Variants in PRKAR1B observed in about 807,000 individuals in gnomAD.
PRKAR1B encodes cAMP-dependent protein kinase type I-beta regulatory subunit.
In PRKAR1B, 22 loss-of-function variants were observed where a neutral mutation model predicts 46.5. That is an observed-to-expected ratio of 0.47 (90% CI 0.34 to 0.68). The LOEUF (loss-of-function observed/expected upper bound fraction) is 0.68. PRKAR1B is among the 30% of genes least tolerant of loss of function. The probability of loss-of-function intolerance (pLI) is 0.01; values close to 1 mark genes in which losing one functional copy is unlikely to be tolerated. For missense variants in PRKAR1B, 445 were observed against 535.6 expected, an observed-to-expected ratio of 0.83 and a Z score of 1.67; for synonymous variants, 259 against 217.7, an observed-to-expected ratio of 1.19 and a Z score of -1.67.
At chr7:663,111 T>G (rs1345938690) in intron 4 of PRKAR1B, among the ~76,000 whole-genome samples, 1 of 152,198 alleles carries the variant, frequency 6.6e-6, no homozygotes, top group Non-Finnish European at 1.5e-5. Flanking sequence ...CTAGGTCTGA[T>G]GAACAAGGGC....
chr7:692,466 G>A (rs1779488298), intron 2 of PRKAR1B, among the ~76,000 whole-genome samples: 1 of 151,818 alleles, frequency 6.6e-6, no homozygotes, highest in Non-Finnish European at 1.5e-5. Flanking sequence ...AAGAGGAGAA[G>A]AGAAGAGAAG....
chr7:551,305 C>T (rs1784176585), intron 10 of PRKAR1B, 84 bp downstream of exon 10: 1 of 1,329,752 alleles, frequency 7.5e-7, no homozygotes, highest in Non-Finnish European at 1.0e-6. Flanking sequence ...AGCCCCCCAG[C>T]AGCTCCTCAC....
At chr7:582,978 C>G (rs993008974) in intron 8 of PRKAR1B, among the ~76,000 whole-genome samples, 2 of 152,228 alleles carry the variant, frequency 1.3e-5, no homozygotes, top group African/African-American at 2.4e-5. Context: ...CAAAGCCACA[C>G]AGGTGATTCC....
intron 2 of PRKAR1B, among the ~76,000 whole-genome samples, chr7:694,639 C>T (rs2128518473): frequency 6.6e-6 from 1 of 152,264 alleles, no homozygotes; most frequent in South Asian, 2.1e-4. Flanking sequence ...GTGCATTCTG[C>T]TCAGACCTCT....
chr7:674,257 C>T (rs1786455924), intron 4 of PRKAR1B, among the ~76,000 whole-genome samples: 1 of 151,938 alleles, frequency 6.6e-6, no homozygotes, highest in Non-Finnish European at 1.5e-5. Context: ...TCCTGAATTC[C>T]AGCCACACCC....
intron 9 of PRKAR1B, among the ~76,000 whole-genome samples, chr7:569,306 C>T (rs536831210): frequency 2.0e-4 from 30 of 152,308 alleles, no homozygotes; most frequent in Non-Finnish European, 3.8e-4. Flanking sequence ...AACAGCCTGC[C>T]GGCCGCCCCA....
intron 4 of PRKAR1B, among the ~76,000 whole-genome samples, chr7:674,019 G>C (rs1220915295): frequency 6.6e-6 from 1 of 152,164 alleles, no homozygotes; most frequent in Non-Finnish European, 1.5e-5. Flanking sequence ...CCCTTAGAAG[G>C]CACAAGTGAT....
intron 2 of PRKAR1B, among the ~76,000 whole-genome samples, chr7:694,826 A>G (rs1482409368): frequency 1.3e-5 from 2 of 152,166 alleles, no homozygotes; most frequent in African/African-American, 4.8e-5. Flanking sequence ...ACCTGAGGTC[A>G]GAAGTTCGAG....
intron 1 of PRKAR1B, among the ~76,000 whole-genome samples, chr7:711,828 C>T (rs991305740): frequency 6.6e-5 from 10 of 151,510 alleles, no homozygotes; most frequent in Admixed American, 5.9e-4. Context: ...CTGAGGATTC[C>T]GGGTGGGAAG....
intron 4 of PRKAR1B, among the ~76,000 whole-genome samples, chr7:673,123 G>A (rs1294273498): frequency 6.9e-6 from 1 of 145,812 alleles, no homozygotes; most frequent in East Asian, 2.1e-4. Flanking sequence ...GCCAGCAGCT[G>A]TGGACCAGGG....
Position 607,423 on chromosome 7 carries a change from G to A in PRKAR1B, c.470C>T (p.Thr157Ile). Residue 157 changes from threonine to isoleucine, a missense_variant, in exon 5 of 11, where the codon ACT (threonine) becomes ATT (isoleucine). Physicochemically the swap from Thr to Ile is moderately conservative, Grantham distance 89. Coordinates refer to ENST00000537384, the MANE Select transcript of PRKAR1B (RefSeq NM_001164760.2). ...TATAACAGTCTCCCCAGCGATGTGA[G>A]TGACAGGGAACATGGCATCGAATAT... ...SDIFDAMFPV[T>I]HIAGETVIQQ... The A allele has an allele frequency of 6.2e-7, 1 of 1,614,050 alleles. No individual in the cohort carries two copies. Among genetic ancestry groups the A allele is most frequent in the Non-Finnish European group, 8.5e-7 (1 of 1,179,906 alleles).
chr7:604,574 G>T (rs1362819206), intron 6 of PRKAR1B, among the ~76,000 whole-genome samples: 1 of 152,222 alleles, frequency 6.6e-6, no homozygotes, highest in Non-Finnish European at 1.5e-5. Flanking sequence ...CGAGGCACGT[G>T]CCCCCCACGG....
At chr7:556,339 C>G (rs1778431018) in intron 9 of PRKAR1B, among the ~76,000 whole-genome samples, 1 of 150,956 alleles carries the variant, frequency 6.6e-6, no homozygotes, top group Non-Finnish European at 1.5e-5. Context: ...ACCCCGACCC[C>G]AATCACCCCC....
chr7:641,500 G>GT (rs1180089307), intron 4 of PRKAR1B, among the ~76,000 whole-genome samples: 4 of 151,488 alleles, frequency 2.6e-5, no homozygotes, highest in African/African-American at 9.7e-5. Context: ...AACCCAAATG[G>GT]TGCCGTATTG....
At chr7:580,981 C>T (rs1450404005) in intron 8 of PRKAR1B, among the ~76,000 whole-genome samples, 1 of 152,158 alleles carries the variant, frequency 6.6e-6, no homozygotes, top group Non-Finnish European at 1.5e-5. Flanking sequence ...ACCCCACAAC[C>T]AGAGCTGTTT....
intron 9 of PRKAR1B, among the ~76,000 whole-genome samples, chr7:553,432 GCA>G (rs1373118917): frequency 6.6e-6 from 1 of 152,224 alleles, no homozygotes; most frequent in Admixed American, 6.5e-5. Flanking sequence ...CAGAAGTGCA[GCA>G]CCTGCGTGAG....
chr7:575,147 G>A (rs1166181232), intron 9 of PRKAR1B, among the ~76,000 whole-genome samples: 2 of 152,230 alleles, frequency 1.3e-5, no homozygotes, highest in South Asian at 4.1e-4. Context: ...TTCTCACTCG[G>A]GGTCTCCCCT....
intron 7 of PRKAR1B, among the ~76,000 whole-genome samples, chr7:589,103 C>T (rs950388987): frequency 8.5e-5 from 11 of 129,174 alleles, no homozygotes; most frequent in South Asian, 2.7e-4. Flanking sequence ...AGTGTGCTGA[C>T]GGGGAAAGTC....
At chr7:645,802 T>C (rs1051068400) in intron 4 of PRKAR1B, among the ~76,000 whole-genome samples, 1 of 152,154 alleles carries the variant, frequency 6.6e-6, no homozygotes, top group African/African-American at 2.4e-5. Context: ...GAGGTCAGCA[T>C]GCGGGGGTGC....
Sources: allele counts gnomAD v4.1 joint callset (sites outside exome capture counted in the v4.1 genomes callset), GRCh38; gene constraint gnomAD v4.1.1; transcripts MANE v1.5; gene names NCBI Gene and HGNC (gene_info 2026-07-23, HGNC 2026-07-21).